The following LCTL variants were observed in gnomAD, a reference collection of about 807,000 sequenced individuals.
The protein encoded by LCTL is lactase like.
Under a neutral mutation model 75.8 loss-of-function variants are expected in LCTL, and 76 were observed. That is an observed-to-expected ratio of 1.00 (90% CI 0.83 to 1.21). The LOEUF (loss-of-function observed/expected upper bound fraction) is 1.21. Ranked by LOEUF, LCTL falls within the 50% of genes most tolerant of loss-of-function variation. The probability of loss-of-function intolerance (pLI) is 0.00; values close to 1 mark genes in which losing one functional copy is unlikely to be tolerated. For missense variants in LCTL, 670 were observed against 712.4 expected (o/e 0.94, Z 0.68); for synonymous variants, 271 against 268.8 (o/e 1.01, Z -0.08).
chr15:66,563,867 G>A (rs117301614), intron 3 of LCTL, 44 bp downstream of exon 4: 14,989 of 1,484,292 alleles, frequency 0.01, 82 homozygotes, highest in Non-Finnish European at 0.012. Context: ...CAACATTGCC[G>A]GAAGGGGCCT....
At chr15:66,558,183 C>CT in intron 6 of LCTL, 147 bp from the exon 8 acceptor site, 1 of 578,446 alleles carries the variant, frequency 1.7e-6, no homozygotes, top group Non-Finnish European at 2.8e-6. Flanking sequence ...CTTCTTTCCT[C>CT]TAACTTCTTG....
intron 8 of LCTL, 46 bp from the exon 10 acceptor site, chr15:66,553,304 C>A (rs1259968603): frequency 1.4e-6 from 2 of 1,456,480 alleles, no homozygotes; most frequent in African/African-American, 1.4e-5. Context: ...TATTTTCTCC[C>A]AATCACTGTG....
exon 11 of LCTL, chr15:66,551,729 T>A (rs745477874): frequency 3.1e-6 from 5 of 1,614,144 alleles, no homozygotes; most frequent in Non-Finnish European, 4.2e-6. Context: ...AGCCTTTGGA[T>A]AGCGAGGCTT....
intron 2 of LCTL, 162 bp downstream of exon 3, chr15:66,564,514 T>C: frequency 1.3e-6 from 1 of 782,498 alleles, no homozygotes; most frequent in South Asian, 1.9e-5. Context: ...CCACTGGCCC[T>C]GCCCCCTCTG....
At chr15:66,555,588 C>A (rs1456948245) in intron 8 of LCTL, among the ~76,000 whole-genome samples, 1 of 151,868 alleles carries the variant, frequency 6.6e-6, no homozygotes, top group Admixed American at 6.6e-5. Context: ...AGAGCAAAAG[C>A]ACCGTGACAA....
Position 66,557,979 on chromosome 15 carries a change from C to T in LCTL, c.760+3G>A, listed in dbSNP as rs1895783395. 5.0e-6 allele frequency: 8 copies of T among 1,607,274 alleles called. No homozygotes were observed. Among genetic ancestry groups the T allele is most frequent in the Non-Finnish European group, 6.0e-6 (7 of 1,174,876 alleles). On this transcript the variant is annotated splice_donor_region_variant and intron_variant, in intron 7 of 12. Transcript: ENST00000341509. The stretch of plus-strand genomic sequence containing the variant: ...TGGGTACATGTGTGGGGCCACAGCT[C>T]ACCTTGCTGCTTGCTGCGCCACGTG...
intron 4 of LCTL, 29 bp from the exon 6 acceptor site, chr15:66,561,344 T>A: frequency 6.2e-7 from 1 of 1,613,942 alleles, no homozygotes; most frequent in East Asian, 2.2e-5. Context: ...AGATGCCCCA[T>A]GAATGAACCG....
intron 2 of LCTL, 47 bp downstream of exon 3, chr15:66,564,627 ATG>A: frequency 7.0e-6 from 11 of 1,581,620 alleles, no homozygotes; most frequent in Non-Finnish European, 9.4e-6. Flanking sequence ...ATGTACTCAC[ATG>A]TGTGTGCACG....
chr15:66,560,958 G>C, intron 6 of LCTL, 48 bp downstream of exon 7: 1 of 1,563,960 alleles, frequency 6.4e-7, no homozygotes, highest in Non-Finnish European at 8.8e-7. Context: ...CCTGGGGCAG[G>C]CTGAGCTGAC....
At chr15:66,551,606 C>T in intron 11 of LCTL, 56 bp downstream of exon 12, 1 of 1,411,306 alleles carries the variant, frequency 7.1e-7, no homozygotes, top group African/African-American at 1.4e-5. Flanking sequence ...TTGTGTGTTC[C>T]AGCTATCTAG....
chr15:66,562,410 A>G (rs1895912365), intron 4 of LCTL, among the ~76,000 whole-genome samples: 1 of 151,942 alleles, frequency 6.6e-6, no homozygotes, highest in South Asian at 2.1e-4. Context: ...CTCAAAAAAA[A>G]AAAAAAACAA....
At chr15:66,564,562 G>A in intron 2 of LCTL, 114 bp downstream of exon 3, 1 of 1,229,558 alleles carries the variant, frequency 8.1e-7, no homozygotes, top group East Asian at 2.5e-5. Context: ...AGAGCATGGG[G>A]ATGACATTGT....
rs930634063 is a variant in LCTL, at chr15:66,561,331, A to G, written c.481-16T>C. 6.2e-7 allele frequency: 1 copy of G among 1,614,244 alleles called. No individual in the cohort carries two copies. The highest frequency in any genetic ancestry group is 8.5e-7 in the Non-Finnish European group (1 of 1,180,042). On this transcript the variant is annotated splice_polypyrimidine_tract_variant and intron_variant, in intron 4 of 12. Transcript: ENST00000341509. ...CCTGGAGCAGCTGTGAACACAGAGAAGCAGATGCCCCATGAATGAACCGCA... is the reference window on the plus strand; with the variant it reads ...CCTGGAGCAGCTGTGAACACAGAGAGGCAGATGCCCCATGAATGAACCGCA...
At chr15:66,560,835 C>T (rs1252466236) in intron 6 of LCTL, among the ~76,000 whole-genome samples, 171 bp downstream of exon 7, 1 of 152,198 alleles carries the variant, frequency 6.6e-6, no homozygotes, top group Non-Finnish European at 1.5e-5. Context: ...TAGTGTCCCC[C>T]AGCGCCCTGA....
At chr15:66,565,969 C>G (rs935917085), upstream of LCTL, 1 of 152,514 alleles carries the variant, frequency 6.6e-6, no homozygotes, top group African/African-American at 2.4e-5. Flanking sequence ...CACAGCACAG[C>G]CGAAGGCTCT....
chr15:66,564,591 C>T (rs549921991), intron 2 of LCTL, 85 bp downstream of exon 3: 11 of 1,460,430 alleles, frequency 7.5e-6, no homozygotes, highest in South Asian at 1.3e-5. Context: ...CTCCCCCAAA[C>T]GTCACTCCCT....
intron 4 of LCTL, 60 bp downstream of exon 5, chr15:66,563,456 T>A: frequency 8.3e-7 from 1 of 1,204,788 alleles, no homozygotes; most frequent in Non-Finnish European, 1.2e-6. Flanking sequence ...GTCCTCAAAC[T>A]GGGCTCCCTC....
chr15:66,550,041 C>A lies in LCTL; in HGVS notation c.1588G>T (p.Glu530Ter). The stretch of plus-strand genomic sequence containing the variant: ...AAAACATTGAAATATACTGACTCAC[C>A]TGCAGCAAGCATCTGATTGTTGATA... The change falls in exon 12 of 13, where the codon GAG becomes TAG. Residue 530 changes from glutamate (E) to a stop codon, truncating the protein, a stop_gained and splice_region_variant. Coordinates refer to ENST00000341509, the Ensembl canonical transcript of LCTL. LOFTEE classifies it low-confidence loss of function (END_TRUNC). 1 of 1,596,560 alleles carries A rather than the reference C, an allele frequency of 6.3e-7. No homozygotes were observed. The highest frequency in any genetic ancestry group is 8.5e-7 in the Non-Finnish European group (1 of 1,171,488).
At chr15:66,559,640 A>G (rs1895833000) in intron 6 of LCTL, among the ~76,000 whole-genome samples, 1 of 152,110 alleles carries the variant, frequency 6.6e-6, no homozygotes, top group African/African-American at 2.4e-5. Flanking sequence ...CCCAGGAGGC[A>G]GAGGTTGCAG....
Sources: allele counts gnomAD v4.1 joint callset (sites outside exome capture counted in the v4.1 genomes callset), GRCh38; gene constraint gnomAD v4.1.1; transcripts MANE v1.5; gene names NCBI Gene and HGNC (gene_info 2026-07-23, HGNC 2026-07-21).